Variants in IQSEC1 observed in about 807,000 individuals in gnomAD.
IQSEC1 encodes the protein IQ motif and SEC7 domain-containing protein 1.
In IQSEC1, 31 loss-of-function variants were observed where a neutral mutation model predicts 91.0. That is an observed-to-expected ratio of 0.34 (90% CI 0.26 to 0.46). IQSEC1 has a LOEUF of 0.46. Ranked by LOEUF, IQSEC1 falls within the 20% of genes least tolerant of loss-of-function variation. IQSEC1 has a pLI of 1.00. For missense variants in IQSEC1, 1,388 were observed against 1,575.6 expected (o/e 0.88, Z 2.02); for synonymous variants, 699 against 662.6 (o/e 1.05, Z -0.84).
chr3:13,135,039 C>T (rs530397902), intron 2 of IQSEC1, among the ~76,000 whole-genome samples: 7 of 152,270 alleles, frequency 4.6e-5, no homozygotes, highest in African/African-American at 1.4e-4. Flanking sequence ...GGAACTGCGT[C>T]GTGTTGTGGT....
intron 1 of IQSEC1, among the ~76,000 whole-genome samples, chr3:13,060,724 G>T (rs1262093601): frequency 6.6e-6 from 1 of 152,190 alleles, no homozygotes; most frequent in Admixed American, 6.5e-5. Context: ...TGCCCCCGGC[G>T]GGGCTCCAGG....
chr3:12,976,616 A>G (rs1701187919), intron 1 of IQSEC1, among the ~76,000 whole-genome samples: 2 of 152,144 alleles, frequency 1.3e-5, no homozygotes, highest in African/African-American at 4.8e-5. Flanking sequence ...CTTCGTCCAC[A>G]TTCTCTCTGT....
At chr3:13,200,020 T>A (rs1033790903) in intron 1 of IQSEC1, among the ~76,000 whole-genome samples, 1 of 139,370 alleles carries the variant, frequency 7.2e-6, no homozygotes, top group Non-Finnish European at 1.5e-5. Flanking sequence ...ACACGCCACA[T>A]GTACATCACA....
At chr3:13,181,269 T>A (rs886773337) in intron 1 of IQSEC1, among the ~76,000 whole-genome samples, 1 of 18,448 alleles carries the variant, frequency 5.4e-5, no homozygotes, top group South Asian at 1.4e-3. Context: ...AGACTCCGTC[T>A]CAAACAAACA....
At chr3:13,173,073 G>A (rs1315365422) in intron 1 of IQSEC1, among the ~76,000 whole-genome samples, 1 of 152,200 alleles carries the variant, frequency 6.6e-6, no homozygotes, top group Non-Finnish European at 1.5e-5. Context: ...GACGTTTTGA[G>A]TTTTCGGGTT....
chr3:12,960,102 A>G (rs1700152116), intron 1 of IQSEC1, among the ~76,000 whole-genome samples: 1 of 152,286 alleles, frequency 6.6e-6, no homozygotes, highest in South Asian at 2.1e-4. Context: ...CGGCACTGCA[A>G]TGGTATAACG....
intron 1 of IQSEC1, among the ~76,000 whole-genome samples, chr3:13,272,924 CAT>C (rs1473279815): frequency 1.3e-5 from 2 of 152,230 alleles, no homozygotes; most frequent in Non-Finnish European, 2.9e-5. Flanking sequence ...AGATAAGAGA[CAT>C]GTGCTGAAAC....
At chr3:13,154,068 C>G (rs560290988) in intron 2 of IQSEC1, among the ~76,000 whole-genome samples, 9 of 152,134 alleles carry the variant, frequency 5.9e-5, no homozygotes, top group African/African-American at 2.2e-4. Flanking sequence ...ACTGGGTGAC[C>G]ACACATTGGC....
At position 12,900,051 on chromosome 3, in the gene IQSEC1, C is replaced by T. The variant is rs1358466639; in HGVS notation, c.*932G>A. 3.0e-6 allele frequency: 3 copies of T among 985,238 alleles called. No individual in the cohort carries two copies. In the African/African-American group the frequency reaches 5.2e-5, roughly 17 times the overall value. The allele number at this position is 985,238 out of a possible 1,614,324, so 61.0% of individuals were successfully genotyped here. A position where few individuals can be genotyped will look rare whatever the true frequency, so the allele number is the denominator to read the frequency against. ...GTAACCAATGTCCTAAGACAACCAG[C>T]TTGTAACCAGCTGTCCTGAGTTGCT... On this transcript the variant is annotated 3_prime_UTR_variant, in exon 14 of 14. Transcript: ENST00000613206.
chr3:13,099,171 G>A (rs555146500), intron 2 of IQSEC1, among the ~76,000 whole-genome samples: 1 of 152,294 alleles, frequency 6.6e-6, no homozygotes, highest in South Asian at 2.1e-4. Flanking sequence ...GGGCACCACT[G>A]AGTGTAGCCC....
chr3:13,104,489 C>T (rs140952058), intron 2 of IQSEC1, among the ~76,000 whole-genome samples: 5 of 152,294 alleles, frequency 3.3e-5, no homozygotes, highest in Admixed American at 6.5e-5. Context: ...TGTTATTCTG[C>T]GGACTCTTGC....
intron 1 of IQSEC1, among the ~76,000 whole-genome samples, chr3:13,280,559 C>T (rs895835921): frequency 6.6e-6 from 1 of 152,150 alleles, no homozygotes; most frequent in Non-Finnish European, 1.5e-5. Flanking sequence ...AAAATGGGTC[C>T]GGCTGCTCCA....
intron 1 of IQSEC1, among the ~76,000 whole-genome samples, chr3:13,050,895 A>G (rs1704667969): frequency 6.6e-6 from 1 of 152,238 alleles, no homozygotes; most frequent in Non-Finnish European, 1.5e-5. Context: ...AAAATATATT[A>G]TGTTAACATG....
chr3:13,083,070 C>G (rs1417279985), intron 2 of IQSEC1, among the ~76,000 whole-genome samples: 1 of 152,192 alleles, frequency 6.6e-6, no homozygotes, highest in Non-Finnish European at 1.5e-5. Flanking sequence ...TATCATGTGA[C>G]CACCTCCCCC....
rs954806761 is a variant in IQSEC1 at position 13,061,166 on chromosome 3, C to T, written c.23+11826G>A. On this transcript the variant is annotated intron_variant, in intron 1 of 13. Transcript: ENST00000613206. ...GCAGTTCCTACCCCTCGGTTCTGGC[C>T]CACGAGGCTGGGAATGACCCATATT... Among the ~76,000 whole-genome samples the T allele has an allele frequency of 2.6e-5, 4 of 152,264 alleles. No individual in the cohort carries two copies. In the South Asian group the frequency reaches 6.2e-4, roughly 24 times the overall value.
At chr3:13,125,590 G>A (rs538092720) in intron 2 of IQSEC1, among the ~76,000 whole-genome samples, 19 of 152,208 alleles carry the variant, frequency 1.2e-4, no homozygotes, top group Non-Finnish European at 2.1e-4. Context: ...GGTGAATCCC[G>A]TACAAATCTC....
Position 12,899,688 on chromosome 3 carries a change from A to G in IQSEC1, c.*1295T>C, listed in dbSNP as rs986217360. The G allele has an allele frequency of 1.3e-5, 13 of 985,326 alleles. No individual in the cohort carries two copies. The highest frequency in any genetic ancestry group is 4.8e-6 in the Non-Finnish European group (4 of 829,934). 61.0% of individuals were successfully genotyped at this position (985,326 alleles called of 1,614,324 possible). ...ATGGCTACATGGAATTACGGTGATC[A>G]CTGCTACCACTCAGAAAACAAAACG... On this transcript the variant is annotated 3_prime_UTR_variant, in exon 14 of 14. Coordinates refer to ENST00000613206, the MANE Select transcript of IQSEC1 (RefSeq NM_001134382.3).
chr3:13,171,541 C>T (rs763959219), intron 1 of IQSEC1, among the ~76,000 whole-genome samples: 21 of 152,284 alleles, frequency 1.4e-4, no homozygotes, highest in Non-Finnish European at 2.6e-4. Context: ...TTCTCCCCTC[C>T]ATTTGAGAAC....
exon 2 of IQSEC1, among the ~76,000 whole-genome samples, chr3:13,164,124 T>C (rs1693420220): frequency 6.6e-6 from 1 of 152,144 alleles, no homozygotes; most frequent in Non-Finnish European, 1.5e-5. Flanking sequence ...GCGAGCTTTC[T>C]CCTTCAGACC....
Sources: gnomAD v4.1 joint callset for allele counts (sites outside exome capture counted in the v4.1 genomes callset) on GRCh38, gnomAD v4.1.1 for gene constraint, MANE v1.5 for transcripts, NCBI Gene and HGNC (gene_info 2026-07-23, HGNC 2026-07-21) for gene names.